Variants in GDPD4 observed in about 807,000 individuals in gnomAD.
GDPD4 encodes glycerophosphodiester phosphodiesterase 6.
GDPD4 carries 60 observed loss-of-function variants against 67.8 expected under a neutral mutation model. The observed-to-expected ratio is 0.88, with a 90% CI of 0.72 to 1.10. The LOEUF is 1.10. Among genes scored for constraint, GDPD4 ranks in the 50% least tolerant of loss-of-function variants. The pLI, the probability that GDPD4 is intolerant of heterozygous loss-of-function variation, is 0.00. For missense variants in GDPD4, 623 were observed against 613.9 expected (o/e 1.01, Z -0.16); for synonymous variants, 212 against 210.9 (o/e 1.00, Z -0.04).
intron 13 of GDPD4, among the ~76,000 whole-genome samples, chr11:77,234,133 T>A (rs1958506524): frequency 6.6e-6 from 1 of 152,200 alleles, no homozygotes; most frequent in African/African-American, 2.4e-5. Flanking sequence ...AGTTCTGTCA[T>A]ATACGAGCTT....
At chr11:77,277,831 A>G (rs10793247) in intron 4 of GDPD4, among the ~76,000 whole-genome samples, 91,336 of 146,522 alleles carry the variant, frequency 0.62, 27,957 homozygotes, top group African/African-American at 0.68. Context: ...TGATGTTAGG[A>G]TGTCAATTTT....
At position 77,271,405 on chromosome 11, in the gene GDPD4, GA is replaced by G. The variant is rs748692563; in HGVS notation, c.208-13del. 5.1e-6 allele frequency: 8 copies of G among 1,561,372 alleles called. No homozygotes were observed. The highest frequency in any genetic ancestry group is 5.3e-6 in the Non-Finnish European group (6 of 1,134,574). ...AGCAGAATCAGGATCTAGGGAAACA[GA>G]AAAAAAATCTCCTGACTTCAAGCAC... On this transcript the variant is annotated splice_polypyrimidine_tract_variant and intron_variant, in intron 5 of 16. Coordinates refer to ENST00000315938, the MANE Select transcript of GDPD4 (RefSeq NM_182833.3).
intron 3 of GDPD4, among the ~76,000 whole-genome samples, chr11:77,283,774 A>G (rs1341483746): frequency 6.6e-6 from 1 of 152,080 alleles, no homozygotes; most frequent in Admixed American, 6.5e-5. Context: ...ACAATATTTA[A>G]TGCTGTCATA....
intron 8 of GDPD4, 77 bp from the exon 9 acceptor site, chr11:77,269,146 C>T: frequency 2.2e-6 from 3 of 1,368,548 alleles, no homozygotes; most frequent in Admixed American, 1.9e-5. Flanking sequence ...AGCAAAGCAG[C>T]AGTCTGAGTA....
rs1159321889 is a variant in GDPD4, at chr11:77,276,166, G to GAC, written c.200_201dup (p.His68ValfsTer5). On this transcript the variant is annotated frameshift_variant, in exon 5 of 17. Transcript: ENST00000315938. LOFTEE classifies it high-confidence loss of function. ...TGTGGACTCAGATGTCCTACCTTAT[G>GAC]ACACAAGTGCAGGTATAGTTCAATC... 12 of 1,612,284 alleles carry GAC rather than the reference G, an allele frequency of 7.4e-6. No homozygotes were observed. The highest frequency in any genetic ancestry group is 1.3e-5 in the African/African-American group (1 of 74,832).
chr11:77,227,738 C>G, intron 16 of GDPD4, 126 bp downstream of exon 16: 3 of 589,528 alleles, frequency 5.1e-6, no homozygotes, highest in Non-Finnish European at 6.4e-6. Flanking sequence ...TGGTCCCTCC[C>G]CCAACCCCAC....
At chr11:77,267,779 C>G (rs1959184946) in intron 10 of GDPD4, among the ~76,000 whole-genome samples, 1 of 152,128 alleles carries the variant, frequency 6.6e-6, no homozygotes. Context: ...TTTCATTCTC[C>G]TCATAGGGTC....
chr11:77,263,378 A>G (rs370481219), intron 10 of GDPD4, among the ~76,000 whole-genome samples: 1 of 152,208 alleles, frequency 6.6e-6, no homozygotes, highest in African/African-American at 2.4e-5. Context: ...ACAAAAATGT[A>G]TAATACTCAA....
At chr11:77,267,514 T>C (rs1043907366) in intron 10 of GDPD4, among the ~76,000 whole-genome samples, 3 of 152,214 alleles carry the variant, frequency 2.0e-5, no homozygotes, top group Non-Finnish European at 4.4e-5. Context: ...AGATGAGTAG[T>C]ATTAGTTTTA....
intron 2 of GDPD4, 133 bp from the exon 3 acceptor site, chr11:77,285,320 CTCT>C: frequency 1.7e-6 from 1 of 585,030 alleles, no homozygotes; most frequent in South Asian, 2.1e-5. Context: ...AGTGATCACT[CTCT>C]TCTTTTTACC....
chr11:77,217,189 G>T lies in GDPD4; in HGVS notation c.*88C>A. On this transcript the variant is annotated 3_prime_UTR_variant, in exon 17 of 17. Coordinates refer to ENST00000315938, the MANE Select transcript of GDPD4 (RefSeq NM_182833.3). ...GGCCTTGGTGTTCCTTTCCACTCTTGGGTAGAGCCGGGTAGAGGGCTGCTA... is the reference window on the plus strand; with the variant it reads ...GGCCTTGGTGTTCCTTTCCACTCTTTGGTAGAGCCGGGTAGAGGGCTGCTA... The T allele has an allele frequency of 1.0e-6, 1 of 981,436 alleles. No homozygotes were observed. Among genetic ancestry groups the T allele is most frequent in the Non-Finnish European group, 1.7e-6 (1 of 602,096 alleles). 60.8% of individuals were successfully genotyped at this position (981,436 alleles called of 1,614,324 possible). A position where few individuals can be genotyped will look rare whatever the true frequency, so the allele number is the denominator to read the frequency against.
At chr11:77,295,960 G>T (rs1316216239) in intron 1 of GDPD4, among the ~76,000 whole-genome samples, 1 of 151,896 alleles carries the variant, frequency 6.6e-6, no homozygotes. Context: ...ATCTTAATTA[G>T]AAATTTCTTG....
intron 13 of GDPD4, among the ~76,000 whole-genome samples, chr11:77,242,325 GT>G (rs1413799833): frequency 6.6e-6 from 1 of 152,084 alleles, no homozygotes; most frequent in East Asian, 1.9e-4. Context: ...TTTTTAAAAT[GT>G]CTTTAAAACA....
In GDPD4 at chr11:77,217,334, C is replaced by CA; in HGVS notation, c.1526-21dup. On this transcript the variant is annotated intron_variant, in intron 16 of 16. Transcript: ENST00000315938. ...GAGTATCTGTGGGATGGAAAAGACA[C>CA]AGATTCCTCAAATGTCACTTCTCCA... The CA allele has an allele frequency of 6.3e-7, 1 of 1,584,508 alleles. No individual in the cohort carries two copies. The highest frequency in any genetic ancestry group is 8.7e-7 in the Non-Finnish European group (1 of 1,153,042).
intron 11 of GDPD4, among the ~76,000 whole-genome samples, chr11:77,256,916 T>C (rs1216457841): frequency 6.6e-6 from 1 of 152,146 alleles, no homozygotes; most frequent in East Asian, 1.9e-4. Context: ...AATTACCCAG[T>C]CTCAGGTATT....
At chr11:77,249,354 C>T (rs7936156) in intron 11 of GDPD4, among the ~76,000 whole-genome samples, 37,082 of 151,590 alleles carry the variant, frequency 0.24, 4,794 homozygotes, top group Admixed American at 0.33. Context: ...TTCGAAGCCT[C>T]AGAAGGTTCT....
At chr11:77,254,150 A>C (rs1304775297) in intron 11 of GDPD4, among the ~76,000 whole-genome samples, 1 of 152,132 alleles carries the variant, frequency 6.6e-6, no homozygotes, top group Non-Finnish European at 1.5e-5. Context: ...TCCTTCTCTG[A>C]GGGGAACACA....
At chr11:77,285,335 C>A (rs931829944) in intron 2 of GDPD4, 148 bp from the exon 3 acceptor site, 2 of 578,638 alleles carry the variant, frequency 3.5e-6, no homozygotes, top group South Asian at 2.2e-5. Flanking sequence ...CTTTTTACCC[C>A]TACCAAATCC....
intron 1 of GDPD4, among the ~76,000 whole-genome samples, chr11:77,288,774 G>A (rs892427670): frequency 6.6e-6 from 1 of 152,206 alleles, no homozygotes; most frequent in East Asian, 1.9e-4. Context: ...TGACAACTTC[G>A]AAGTAATGTG....
Sources: gnomAD v4.1 joint callset for allele counts (sites outside exome capture counted in the v4.1 genomes callset) on GRCh38, gnomAD v4.1.1 for gene constraint, MANE v1.5 for transcripts, NCBI Gene and HGNC (gene_info 2026-07-23, HGNC 2026-07-21) for gene names.